COL9A1: variants seen among roughly 807,000 people sequenced by gnomAD.
The protein encoded by COL9A1 is collagen type IX alpha 1 chain, also known as collagen alpha-1(IX) chain.
COL9A1 carries 104 observed loss-of-function variants against 142.6 expected under a neutral mutation model. The observed-to-expected ratio is 0.73, with a 90% CI of 0.62 to 0.86. The LOEUF (loss-of-function observed/expected upper bound fraction) is 0.86. Ranked by LOEUF, COL9A1 falls within the 40% of genes least tolerant of loss-of-function variation. COL9A1 has a pLI of 0.00. For missense variants in COL9A1, 1,210 were observed against 1,176.6 expected (o/e 1.03, Z -0.42); for synonymous variants, 466 against 396.0 (o/e 1.18, Z -2.10).
At chr6:70,272,435 A>C (rs943062706) in intron 12 of COL9A1, among the ~76,000 whole-genome samples, 3 of 152,148 alleles carry the variant, frequency 2.0e-5, no homozygotes, top group Non-Finnish European at 4.4e-5. Context: ...TACAGATTTT[A>C]TTCATTTGTA....
Position 70,280,847 on chromosome 6 carries a change from C to G in COL9A1, c.940G>C (p.Gly314Arg). 1 of 1,613,516 alleles carries G rather than the reference C, an allele frequency of 6.2e-7. No individual in the cohort carries two copies. The highest frequency in any genetic ancestry group is 8.5e-7 in the Non-Finnish European group (1 of 1,179,888). Residue 314 changes from glycine to arginine, a missense_variant, in exon 10 of 38, where the codon GGA (glycine) becomes CGA (arginine). Physicochemically the swap from Gly to Arg is moderately radical, Grantham distance 125 (BLOSUM62 -2). Coordinates refer to ENST00000357250, the MANE Select transcript of COL9A1 (RefSeq NM_001851.6). The stretch of plus-strand genomic sequence containing the variant: ...GGTGTGCCAGGCTTGCCTGGAGCTC[C>G]TGGCTTTCCCGGTTCACCTGCAGGA... ...PGPAGEPGKP[G>R]APGKPGTPGA...
intron 17 of COL9A1, among the ~76,000 whole-genome samples, chr6:70,267,113 C>T (rs180811524): frequency 8.1e-4 from 124 of 152,270 alleles, no homozygotes; most frequent in African/African-American, 2.7e-3. Context: ...TTCTCTAGTT[C>T]CGGTAACTTA....
At chr6:70,225,587 TA>T (rs543691720) in intron 37 of COL9A1, among the ~76,000 whole-genome samples, 15,203 of 147,664 alleles carry the variant, frequency 0.1, 1,051 homozygotes, top group African/African-American at 0.2. Context: ...CATTTTAGAT[TA>T]AAAAAAAAAA....
chr6:70,241,535 A>T (rs1770260079), intron 30 of COL9A1, 81 bp from the exon 31 acceptor site: 2 of 1,176,696 alleles, frequency 1.7e-6, no homozygotes, highest in Non-Finnish European at 2.5e-6. Context: ...GGGTGGGTGG[A>T]TAAGCACAAG....
rs763609140 is a variant in COL9A1 at position 70,253,360 on chromosome 6, T to C, written c.1764+25A>G. 7 of 1,472,646 alleles carry C rather than the reference T, an allele frequency of 4.8e-6. No individual in the cohort carries two copies. In the Admixed American group the frequency reaches 1.2e-4, roughly 25 times the overall value. The allele number at this position is 1,472,646 out of a possible 1,614,324, so 91.2% of individuals were successfully genotyped here. On this transcript the variant is annotated intron_variant, in intron 26 of 37. Transcript: ENST00000357250. ...ATAATAAAGAAATTAAGAAAGATAT[T>C]AACTTAAATTTTAAAATATTTTACC...
chr6:70,221,294 T>C (rs555438680), intron 37 of COL9A1, among the ~76,000 whole-genome samples: 26 of 152,258 alleles, frequency 1.7e-4, no homozygotes, highest in African/African-American at 6.0e-4. Context: ...TTAAATAGGG[T>C]ATTTCATAAT....
At chr6:70,259,708 T>C (rs1583279123) in intron 20 of COL9A1, among the ~76,000 whole-genome samples, 1 of 152,246 alleles carries the variant, frequency 6.6e-6, no homozygotes. Flanking sequence ...CTCAGATTCA[T>C]GTCTCTTTTG....
chr6:70,282,913 G>T lies in COL9A1; in HGVS notation c.786C>A (p.Ser262Arg). 1 of 1,614,120 alleles carries T rather than the reference G, an allele frequency of 6.2e-7. No homozygotes were observed. The highest frequency in any genetic ancestry group is 1.1e-5 in the South Asian group (1 of 91,076). Reference protein sequence around the residue: ...CHELPARITPSQTTDERGPPG... With the variant: ...CHELPARITPRQTTDERGPPG... ...CCCAACTTACCTCGTCGGTGGTCTG[G>T]CTGGGCTGGAGAAGAAAAGATGGGG... is the stretch of plus-strand genomic sequence containing the variant. The change falls in exon 7 of 38, where the codon AGC becomes AGA. Residue 262 changes from serine to arginine, a missense_variant. Transcript: ENST00000357250.
chr6:70,240,168 G>A (rs1005112311), intron 32 of COL9A1, among the ~76,000 whole-genome samples: 4 of 152,260 alleles, frequency 2.6e-5, no homozygotes, highest in African/African-American at 9.6e-5. Context: ...GTTCTCATTT[G>A]TATTCCTTTC....
intron 14 of COL9A1, among the ~76,000 whole-genome samples, chr6:70,270,573 G>A (rs928687343): frequency 2.0e-5 from 3 of 152,134 alleles, no homozygotes; most frequent in African/African-American, 4.8e-5. Context: ...TCTCACCGAG[G>A]TAATAAAACA....
At chr6:70,217,185 G>T in intron 37 of COL9A1, 104 bp from the exon 38 acceptor site, 1 of 1,028,364 alleles carries the variant, frequency 9.7e-7, no homozygotes, top group Non-Finnish European at 1.5e-6. Flanking sequence ...TTTAACAAAC[G>T]CTTTTGGAAG....
At chr6:70,260,772 A>G (rs1213036951) in intron 19 of COL9A1, 62 bp from the exon 20 acceptor site, 2 of 1,527,410 alleles carry the variant, frequency 1.3e-6, no homozygotes, top group African/African-American at 1.4e-5. Context: ...TAAAAATCTC[A>G]TCACAAAAGC....
chr6:70,290,272 G>T (rs1388543753), intron 5 of COL9A1, among the ~76,000 whole-genome samples: 1 of 152,052 alleles, frequency 6.6e-6, no homozygotes, highest in African/African-American at 2.4e-5. Context: ...AAACAATAAA[G>T]AATCTGTCAT....
At chr6:70,265,192 T>C (rs1361784318) in intron 18 of COL9A1, among the ~76,000 whole-genome samples, 1 of 152,128 alleles carries the variant, frequency 6.6e-6, no homozygotes, top group Admixed American at 6.5e-5. Flanking sequence ...GATAATTAAC[T>C]TGTTTAAATA....
At chr6:70,259,477 C>A (rs894732855) in intron 20 of COL9A1, among the ~76,000 whole-genome samples, 1 of 152,122 alleles carries the variant, frequency 6.6e-6, no homozygotes, top group Non-Finnish European at 1.5e-5. Flanking sequence ...CACCCCTACA[C>A]ACCCTACACA....
chr6:70,219,117 C>A (rs1396348844), intron 37 of COL9A1, among the ~76,000 whole-genome samples: 1 of 152,096 alleles, frequency 6.6e-6, no homozygotes, highest in African/African-American at 2.4e-5. Context: ...TCCTTAACAC[C>A]AGATGCAGTT....
intron 5 of COL9A1, among the ~76,000 whole-genome samples, chr6:70,291,538 A>G (rs1773661757): frequency 6.6e-6 from 1 of 152,138 alleles, no homozygotes; most frequent in Admixed American, 6.6e-5. Flanking sequence ...CTTGTTCTCA[A>G]CAGACTGAAG....
intron 7 of COL9A1, among the ~76,000 whole-genome samples, chr6:70,282,054 C>T (rs749420139): frequency 1.1e-4 from 17 of 152,190 alleles, no homozygotes; most frequent in Admixed American, 5.2e-4. Flanking sequence ...GTCTTTGCAT[C>T]TCACTTCAAA....
intron 33 of COL9A1, among the ~76,000 whole-genome samples, chr6:70,235,629 G>A (rs376435208): frequency 5.8e-4 from 89 of 152,148 alleles, no homozygotes; most frequent in African/African-American, 2.0e-3. Context: ...AAAAGCCCCT[G>A]CATTCCTACA....
Sources: gnomAD v4.1 joint callset for allele counts (sites outside exome capture counted in the v4.1 genomes callset) on GRCh38, gnomAD v4.1.1 for gene constraint, MANE v1.5 for transcripts, NCBI Gene and HGNC (gene_info 2026-07-23, HGNC 2026-07-21) for gene names.